Variants in ATIC observed in about 807,000 individuals in gnomAD.
ATIC encodes bifunctional purine biosynthesis protein ATIC.
Under a neutral mutation model 72.5 loss-of-function variants are expected in ATIC, and 64 were observed. The ratio of observed to expected loss-of-function variants is 0.88; its 90% CI spans 0.72 to 1.09. The LOEUF (loss-of-function observed/expected upper bound fraction) is 1.09, where lower values mean the gene tolerates loss of function less well. Ranked by LOEUF, ATIC falls within the 50% of genes least tolerant of loss-of-function variation. The pLI is 0.00. For synonymous variants in ATIC, 281 were observed against 267.1 expected, an observed-to-expected ratio of 1.05 and a Z score of -0.51; for missense variants, 787 against 732.4, an observed-to-expected ratio of 1.07 and a Z score of -0.86.
intron 3 of ATIC, 150 bp downstream of exon 3, chr2:215,318,383 C>T (rs766717765): frequency 1.4e-5 from 11 of 772,326 alleles, no homozygotes; most frequent in African/African-American, 1.0e-4. Context: ...TTTCATAATA[C>T]GTTAGAACTG....
chr2:215,325,729 A>AT (rs985565646), intron 5 of ATIC, among the ~76,000 whole-genome samples: 1 of 150,618 alleles, frequency 6.6e-6, no homozygotes, highest in Non-Finnish European at 1.5e-5. Context: ...CGCCTGGCTA[A>AT]TTTTTTTTGT....
intron 11 of ATIC, among the ~76,000 whole-genome samples, chr2:215,338,154 G>T (rs774649342): frequency 5.3e-5 from 8 of 152,144 alleles, no homozygotes; most frequent in Non-Finnish European, 1.0e-4. Context: ...AATATCCAGG[G>T]AGAGAGTAGT....
the ATIC span, among the ~76,000 whole-genome samples, chr2:215,366,287 A>T: frequency 1.3e-5 from 2 of 152,194 alleles, no homozygotes; most frequent in Non-Finnish European, 2.9e-5. Flanking sequence ...GTGGAAAACT[A>T]AAGTGGGATT....
intron 2 of ATIC, among the ~76,000 whole-genome samples, chr2:215,313,549 G>T (rs2052677866): frequency 6.6e-6 from 1 of 152,190 alleles, no homozygotes; most frequent in African/African-American, 2.4e-5. Context: ...GGCAGTGAGA[G>T]TTGGGAGGAA....
At chr2:215,352,948 A>G (rs2053141849), downstream of ATIC, among the ~76,000 whole-genome samples, 1 of 152,140 alleles carries the variant, frequency 6.6e-6, no homozygotes, top group Non-Finnish European at 1.5e-5. Context: ...TTTCTTACAC[A>G]TTGATAGCCG....
chr2:215,361,497 C>T, the ATIC span: 3 of 1,210,550 alleles, frequency 2.5e-6, no homozygotes, highest in South Asian at 2.4e-5. Context: ...AACATCACTC[C>T]AGTTTAGATG....
chr2:215,312,463 C>G (rs769500559), intron 1 of ATIC, 35 bp from the exon 2 acceptor site: 1 of 1,614,214 alleles, frequency 6.2e-7, no homozygotes, highest in Non-Finnish European at 8.5e-7. Flanking sequence ...GTGCAATGTG[C>G]TGCGAATCAT....
At chr2:215,324,489 A>G (rs911609696) in intron 4 of ATIC, among the ~76,000 whole-genome samples, 3 of 152,082 alleles carry the variant, frequency 2.0e-5, no homozygotes, top group African/African-American at 7.2e-5. Flanking sequence ...TTCTTGTGAC[A>G]TTTGTCTGGT....
At chr2:215,322,714 C>G (rs541887178) in intron 4 of ATIC, among the ~76,000 whole-genome samples, 1 of 152,264 alleles carries the variant, frequency 6.6e-6, no homozygotes, top group South Asian at 2.1e-4. Context: ...TTTTCATATA[C>G]AGACATGAAA....
chr2:215,354,640 G>A (rs1157695263), downstream of ATIC, among the ~76,000 whole-genome samples: 2 of 152,052 alleles, frequency 1.3e-5, no homozygotes, highest in East Asian at 1.9e-4. Flanking sequence ...TATCCATTCT[G>A]CTGTGTGTCC....
intron 5 of ATIC, among the ~76,000 whole-genome samples, chr2:215,325,725 G>T (rs1359713480): frequency 1.3e-5 from 2 of 151,864 alleles, no homozygotes; most frequent in Admixed American, 6.6e-5. Context: ...ACCACGCCTG[G>T]CTAATTTTTT....
At chr2:215,360,179 C>G in the ATIC span, among the ~76,000 whole-genome samples, 1 of 152,208 alleles carries the variant, frequency 6.6e-6, no homozygotes, top group Non-Finnish European at 1.5e-5. Flanking sequence ...CTCAGGTGAT[C>G]CACCTGCCTC....
Position 215,326,074 on chromosome 2 carries a change from C to T in ATIC, c.467C>T (p.Thr156Met), listed in dbSNP as rs746913434. The T allele has an allele frequency of 1.9e-6, 3 of 1,614,084 alleles. No individual in the cohort carries two copies. Among genetic ancestry groups the T allele is most frequent in the South Asian group, 2.2e-5 (2 of 91,074 alleles). The change falls in exon 6 of 16, where the codon ACG becomes ATG. Residue 156 changes from threonine (T) to methionine (M), a missense_variant. By Grantham distance (81) the Thr-to-Met change is moderately conservative (BLOSUM62 -1). Transcript: ENST00000236959. ...CCAGAGGACTATGTGGTGGTGTCCA[C>T]GGAGATGCAGAGCTCCGAGAGTAAG... The part of the protein sequence containing the change: ...CEPEDYVVVS[T>M]EMQSSESKDT...
At chr2:215,354,718 ATTGT>A (rs1270229931), downstream of ATIC, among the ~76,000 whole-genome samples, 1 of 148,344 alleles carries the variant, frequency 6.7e-6, no homozygotes, top group Non-Finnish European at 1.5e-5. Flanking sequence ...TTCTTTTCCA[ATTGT>A]TGGTATCATC....
Position 215,334,925 on chromosome 2 carries a change from A to C in ATIC, c.929A>C (p.Asp310Ala). The change falls in exon 10 of 16, where the codon GAT becomes GCT. Residue 310 changes from aspartate (D) to alanine (A), a missense_variant. Transcript: ENST00000236959. ...SAAYARARGA[D>A]RMSSFGDFVA... ...ATTTTAATTTTATTTACAGGGGCTG[A>C]TAGGATGTCTTCATTTGGTGATTTT... is the stretch of plus-strand genomic sequence containing the variant. 1 of 1,613,090 alleles carries C rather than the reference A, an allele frequency of 6.2e-7. No homozygotes were observed. The highest frequency in any genetic ancestry group is 8.5e-7 in the Non-Finnish European group (1 of 1,179,318).
Position 215,312,222 on chromosome 2 carries a change from CTTGGCGGCG to C in ATIC, c.19+62_19+70del, listed in dbSNP as rs756481457. On this transcript the variant is annotated intron_variant, in intron 1 of 15. Coordinates refer to ENST00000236959, the MANE Select transcript of ATIC (RefSeq NM_004044.7). ...CGCCTGCGGCCCCCCACGCTCCCGC[CTTGGCGGCG>C]GCCGGCGGGACCCGGCACTGCAGGG... 14 of 1,459,130 alleles carry C rather than the reference CTTGGCGGCG, an allele frequency of 9.6e-6. No homozygotes were observed. In the South Asian group the frequency reaches 1.9e-4, roughly 20 times the overall value. 90.4% of individuals were successfully genotyped at this position (1,459,130 alleles called of 1,614,324 possible).
At chr2:215,342,098 C>T (rs1287731239) in intron 12 of ATIC, among the ~76,000 whole-genome samples, 1 of 152,094 alleles carries the variant, frequency 6.6e-6, no homozygotes, top group Admixed American at 6.5e-5. Flanking sequence ...TCCACCTAGT[C>T]CTGCCTGTTG....
intron 14 of ATIC, among the ~76,000 whole-genome samples, chr2:215,348,208 C>T (rs1217556656): frequency 3.3e-5 from 5 of 152,134 alleles, no homozygotes; most frequent in Non-Finnish European, 7.3e-5. Context: ...ACACTCAAAC[C>T]ATAGCAAATA....
the ATIC span, chr2:215,367,694 C>G: frequency 1.4e-6 from 1 of 709,888 alleles, no homozygotes; most frequent in Non-Finnish European, 2.4e-6. Context: ...TAAAATTTCC[C>G]ATCATTTTTC....
Sources: allele counts gnomAD v4.1 joint callset (sites outside exome capture counted in the v4.1 genomes callset), GRCh38; gene constraint gnomAD v4.1.1; transcripts MANE v1.5; gene names NCBI Gene and HGNC (gene_info 2026-07-23, HGNC 2026-07-21).